Variants in TMEM131L observed in about 807,000 individuals in gnomAD.
TMEM131L encodes transmembrane 131 like.
Under a neutral mutation model 192.2 loss-of-function variants are expected in TMEM131L, and 54 were observed. The observed-to-expected ratio is 0.28, with a 90% confidence interval of 0.23 to 0.35. The LOEUF (loss-of-function observed/expected upper bound fraction) is 0.35. Ranked by LOEUF, TMEM131L falls within the 10% of genes least tolerant of loss-of-function variation. The pLI is 1.00. For synonymous variants in TMEM131L, 701 were observed against 704.9 expected (o/e 0.99, Z 0.09); for missense variants, 1,888 against 1,972.9 (o/e 0.96, Z 0.82).
At chr4:153,525,359 A>C (rs1021607488) in intron 3 of TMEM131L, among the ~76,000 whole-genome samples, 1 of 151,396 alleles carries the variant, frequency 6.6e-6, no homozygotes, top group Admixed American at 6.6e-5. Flanking sequence ...TTTTTTTTTG[A>C]GACTGGATCT....
At chr4:153,554,083 A>G (rs566299119) in intron 4 of TMEM131L, 4 of 152,188 alleles carry the variant, frequency 2.6e-5, no homozygotes, top group African/African-American at 4.8e-5. Context: ...TTGTATTTCA[A>G]TTATGTACAT....
rs1315228695 is a variant in TMEM131L at position 153,591,610 on chromosome 4, G to A, written c.1812+416G>A. On this transcript the variant is annotated intron_variant, in intron 17 of 34. Transcript: ENST00000409959. ...TTCGGTGCTTGTCTGTGCCTCTCTCGTCCAGCTCCGGTGGCGGGAAGACTG... is the reference window on the plus strand; with the variant it reads ...TTCGGTGCTTGTCTGTGCCTCTCTCATCCAGCTCCGGTGGCGGGAAGACTG... 2.0e-5 allele frequency among the ~76,000 whole-genome samples: 3 copies of A among 152,012 alleles called. No individual in the cohort carries two copies. In the East Asian group the frequency reaches 5.8e-4, roughly 29 times the overall value.
chr4:153,486,974 G>A (rs1021743199), intron 3 of TMEM131L, among the ~76,000 whole-genome samples: 4 of 152,196 alleles, frequency 2.6e-5, no homozygotes, highest in Non-Finnish European at 4.4e-5. Flanking sequence ...AGTGTTTCTC[G>A]AAGCCTGGTC....
At chr4:153,597,132 G>A (rs76029567) in intron 20 of TMEM131L, among the ~76,000 whole-genome samples, 8,589 of 151,990 alleles carry the variant, frequency 0.057, 336 homozygotes, top group Non-Finnish European at 0.083. Flanking sequence ...ATATAAGTTT[G>A]TTCTTTTGCA....
At chr4:153,630,006 C>T (rs1734104052) in intron 31 of TMEM131L, among the ~76,000 whole-genome samples, 1 of 152,114 alleles carries the variant, frequency 6.6e-6, no homozygotes, top group Non-Finnish European at 1.5e-5. Context: ...GTGCCTGGCC[C>T]CAAAGGGAGA....
At chr4:153,569,514 T>G (rs1041380654) in intron 7 of TMEM131L, among the ~76,000 whole-genome samples, 1 of 152,226 alleles carries the variant, frequency 6.6e-6, no homozygotes, top group Admixed American at 6.5e-5. Flanking sequence ...TCAGAGCTTT[T>G]GTGATGCGAT....
chr4:153,559,747 T>TTAG (rs2150499813), intron 7 of TMEM131L, among the ~76,000 whole-genome samples: 1 of 152,202 alleles, frequency 6.6e-6, no homozygotes, highest in Non-Finnish European at 1.5e-5. Flanking sequence ...CCTTCCTACC[T>TTAG]CTTTCCAAAA....
chr4:153,563,283 G>A (rs944093045), intron 7 of TMEM131L, among the ~76,000 whole-genome samples: 3 of 152,168 alleles, frequency 2.0e-5, no homozygotes, highest in African/African-American at 4.8e-5. Flanking sequence ...GATGTAGTAT[G>A]TTGAGGACAC....
intron 3 of TMEM131L, among the ~76,000 whole-genome samples, chr4:153,536,107 G>A (rs991431615): frequency 5.1e-4 from 77 of 152,150 alleles, no homozygotes; most frequent in African/African-American, 1.7e-3. Context: ...TTTGTCTGGG[G>A]ATGGAGAATG....
intron 3 of TMEM131L, among the ~76,000 whole-genome samples, chr4:153,531,438 G>A (rs933326298): frequency 3.9e-5 from 6 of 152,118 alleles, no homozygotes; most frequent in Non-Finnish European, 8.8e-5. Flanking sequence ...GGATATAAAG[G>A]GATTAATCCT....
At chr4:153,535,221 C>T (rs1736223689) in intron 3 of TMEM131L, among the ~76,000 whole-genome samples, 1 of 152,068 alleles carries the variant, frequency 6.6e-6, no homozygotes, top group Non-Finnish European at 1.5e-5. Flanking sequence ...AGGGATGACT[C>T]CAGGGTTATT....
chr4:153,546,645 G>T lies in TMEM131L; in HGVS notation c.240-3428G>T, dbSNP rs374623979. 2.9e-4 allele frequency among the ~76,000 whole-genome samples: 44 copies of T among 152,212 alleles called. No individual in the cohort carries two copies. The South Asian group carries it at 8.9e-3, about 31-fold the overall frequency. ...TCCCCCAGTTTTTTAACAAATATTT[G>T]AGCCAGGCGCAGTGGCTCATGCCTG... On this transcript the variant is annotated intron_variant, in intron 3 of 34. Transcript: ENST00000409959.
At chr4:153,514,149 T>C (rs1734547936) in intron 3 of TMEM131L, among the ~76,000 whole-genome samples, 1 of 152,222 alleles carries the variant, frequency 6.6e-6, no homozygotes, top group African/African-American at 2.4e-5. Flanking sequence ...TGGGTGACCG[T>C]AGCCAATTAA....
At chr4:153,503,540 A>G (rs778624960) in intron 3 of TMEM131L, among the ~76,000 whole-genome samples, 14 of 152,210 alleles carry the variant, frequency 9.2e-5, no homozygotes, top group Admixed American at 2.0e-4. Context: ...AGGATATACT[A>G]TTGGGTAAAC....
chr4:153,527,521 C>G (rs1735584496), intron 3 of TMEM131L, among the ~76,000 whole-genome samples: 1 of 152,172 alleles, frequency 6.6e-6, no homozygotes, highest in South Asian at 2.1e-4. Flanking sequence ...AAGTGATCCG[C>G]TTGCCTTGGC....
At position 153,516,941 on chromosome 4, in the gene TMEM131L, C is replaced by T. The variant is rs190379377; in HGVS notation, c.240-33132C>T. Among the ~76,000 whole-genome samples the T allele has an allele frequency of 1.1e-4, 16 of 152,294 alleles. No individual in the cohort carries two copies. The East Asian group carries it at 3.1e-3, about 29-fold the overall frequency. On this transcript the variant is annotated intron_variant, in intron 3 of 34. Coordinates refer to ENST00000409959, the MANE Select transcript of TMEM131L (RefSeq NM_001131007.2). ...TCCCGGGTTCCAACGATTCTCCTGC[C>T]TCAGGCTCCTGAGTAGCTGGGATTA...
chr4:153,634,038 T>C (rs765445738), intron 32 of TMEM131L, among the ~76,000 whole-genome samples, 154 bp from the exon 33 acceptor site: 27 of 152,342 alleles, frequency 1.8e-4, no homozygotes, highest in Non-Finnish European at 3.7e-4. Context: ...TTAGTAAGCC[T>C]TTGATTCTGT....
At chr4:153,581,657 C>T in intron 9 of TMEM131L, 97 bp downstream of exon 9, 2 of 766,218 alleles carry the variant, frequency 2.6e-6, no homozygotes, top group Non-Finnish European at 3.7e-6. Context: ...CAAACCAAGA[C>T]AAATAGCCTT....
intron 3 of TMEM131L, among the ~76,000 whole-genome samples, chr4:153,531,978 T>C (rs1390517589): frequency 1.2e-4 from 18 of 152,204 alleles, no homozygotes; most frequent in Non-Finnish European, 2.5e-4. Context: ...TGCTAACAGA[T>C]GAAGAAGGAA....
Sources: gnomAD v4.1 joint callset for allele counts (sites outside exome capture counted in the v4.1 genomes callset) on GRCh38, gnomAD v4.1.1 for gene constraint, MANE v1.5 for transcripts, NCBI Gene and HGNC (gene_info 2026-07-23, HGNC 2026-07-21) for gene names.